The following FAS variants were observed in gnomAD, a reference collection of about 807,000 sequenced individuals.
FAS encodes the protein Fas cell surface death receptor.
A neutral mutation model predicts 33.2 loss-of-function variants in FAS; 5 were observed. The ratio of observed to expected loss-of-function variants is 0.15; its 90% CI spans 0.08 to 0.32. The LOEUF (loss-of-function observed/expected upper bound fraction) is 0.32, where lower values mean the gene tolerates loss of function less well. Ranked by LOEUF, FAS falls within the 10% of genes least tolerant of loss-of-function variation. The probability of loss-of-function intolerance (pLI) is 1.00; values close to 1 mark genes in which losing one functional copy is unlikely to be tolerated. For synonymous variants in FAS, 131 were observed against 130.7 expected (o/e 1.00, Z -0.01); for missense variants, 339 against 386.0 (o/e 0.88, Z 1.02).
At chr10:88,984,678 T>TTCATGAAACCCA (rs1271470317), upstream of FAS, among the ~76,000 whole-genome samples, 283 of 152,356 alleles carry the variant, frequency 1.9e-3, 1 homozygote, top group Admixed American at 3.8e-3. Context: ...TGACTTCTTA[T>TTCATGAAACCCA]GTTTAGTTAT....
At chr10:89,008,661 C>T (rs909600848) in intron 3 of FAS, among the ~76,000 whole-genome samples, 9 of 152,274 alleles carry the variant, frequency 5.9e-5, no homozygotes, top group African/African-American at 1.4e-4. Context: ...ACAGGGGAGA[C>T]GTCTAAGTAT....
intron 1 of FAS, among the ~76,000 whole-genome samples, chr10:89,000,664 C>T (rs1183561809): frequency 6.6e-6 from 1 of 152,224 alleles, no homozygotes; most frequent in East Asian, 1.9e-4. Flanking sequence ...CACCGTTATA[C>T]CCCCTCATCA....
At chr10:88,979,498 A>G (rs1047147821) in intron 2 of FAS, among the ~76,000 whole-genome samples, 4 of 152,216 alleles carry the variant, frequency 2.6e-5, no homozygotes. Context: ...GATTTTAAAC[A>G]GTAATAAGTG....
chr10:88,987,690 A>G (rs7914490), upstream of FAS, among the ~76,000 whole-genome samples: 83,340 of 151,964 alleles, frequency 0.55, 24,339 homozygotes, highest in African/African-American at 0.77. Context: ...GCCAAGTCAC[A>G]TTTCCCACCC....
At chr10:89,007,612 G>C in intron 2 of FAS, 88 bp from the exon 3 acceptor site, 2 of 1,526,982 alleles carry the variant, frequency 1.3e-6, no homozygotes, top group Admixed American at 1.9e-5. Flanking sequence ...TTTTAGAAGA[G>C]TTTTATTGTC....
intron 1 of FAS, 160 bp downstream of exon 1, chr10:88,991,066 C>T (rs185376752): frequency 1.1e-6 from 1 of 909,562 alleles, no homozygotes; most frequent in Admixed American, 2.1e-5. Flanking sequence ...GACTGGCTCC[C>T]GGGGGCTGTT....
chr10:88,975,334 A>T (rs1846536881), intron 2 of FAS, among the ~76,000 whole-genome samples: 1 of 152,220 alleles, frequency 6.6e-6, no homozygotes, highest in South Asian at 2.1e-4. Flanking sequence ...CATTTGAATG[A>T]GGTATTAGCT....
At chr10:88,965,824 C>T (rs1266449178) in intron 1 of FAS, among the ~76,000 whole-genome samples, 1 of 152,154 alleles carries the variant, frequency 6.6e-6, no homozygotes, top group Non-Finnish European at 1.5e-5. Flanking sequence ...GGCTGATTTG[C>T]TTTTAACTAA....
intron 2 of FAS, among the ~76,000 whole-genome samples, chr10:89,006,872 G>A (rs1848257057): frequency 9.2e-6 from 1 of 108,826 alleles, no homozygotes; most frequent in African/African-American, 3.6e-5. Context: ...TAGCAATACA[G>A]TGACAAACTT....
At position 89,005,919 on chromosome 10, in the gene FAS, A is replaced by G. The variant is rs1402987592; in HGVS notation, c.197-1781A>G. ...CTCCCAATCTGCTGGGATTACAGACATGACCCACTGTGCCCGGCCTGATAC... is the reference window on the plus strand; with the variant it reads ...CTCCCAATCTGCTGGGATTACAGACGTGACCCACTGTGCCCGGCCTGATAC... On this transcript the variant is annotated intron_variant, in intron 2 of 8. Transcript: ENST00000652046. Among the ~76,000 whole-genome samples the G allele has an allele frequency of 2.0e-5, 3 of 152,156 alleles. No individual in the cohort carries two copies. In the East Asian group the frequency reaches 5.8e-4, roughly 29 times the overall value.
chr10:88,970,913 T>G (rs928169201), intron 1 of FAS, among the ~76,000 whole-genome samples: 1 of 151,804 alleles, frequency 6.6e-6, no homozygotes, highest in Non-Finnish European at 1.5e-5. Flanking sequence ...ATATAAAGAA[T>G]TCCCCACTTA....
intron 1 of FAS, among the ~76,000 whole-genome samples, chr10:88,991,938 A>G (rs1353056664): frequency 6.6e-6 from 1 of 152,198 alleles, no homozygotes; most frequent in African/African-American, 2.4e-5. Context: ...TTGGGCCCCA[A>G]CAAAGTGCCA....
Position 89,014,588 on chromosome 10 carries a change from G to C in FAS, c.*138G>C. 1.2e-6 allele frequency: 1 copy of C among 868,446 alleles called. No homozygotes were observed. The highest frequency in any genetic ancestry group is 1.4e-5 in the South Asian group (1 of 70,052). 53.8% of individuals were successfully genotyped at this position (868,446 alleles called of 1,614,324 possible). The stretch of plus-strand genomic sequence containing the variant: ...TTAGCGCTGAAGAGCCAACATATTT[G>C]TAGATTTTTAATATCTCATGATTCT... On this transcript the variant is annotated 3_prime_UTR_variant, in exon 9 of 9. Coordinates refer to ENST00000652046, the MANE Select transcript of FAS (RefSeq NM_000043.6).
In FAS at chr10:88,997,296, C is replaced by T. The variant is rs1199004312; in HGVS notation, c.31-5733C>T. On this transcript the variant is annotated intron_variant, in intron 1 of 8. Coordinates refer to ENST00000652046, the MANE Select transcript of FAS (RefSeq NM_000043.6). ...ATCACTACAGGATTCTGATGTCTGT[C>T]GGGGTCTTGAGAACTATTTTTCTGA... 2.6e-5 allele frequency among the ~76,000 whole-genome samples: 4 copies of T among 152,058 alleles called. No homozygotes were observed. In the South Asian group the frequency reaches 6.2e-4, roughly 24 times the overall value.
intron 1 of FAS, among the ~76,000 whole-genome samples, chr10:88,995,726 C>T (rs547637684): frequency 3.5e-4 from 53 of 152,068 alleles, no homozygotes; most frequent in African/African-American, 1.2e-3. Flanking sequence ...CTCGGGAGGT[C>T]GCGGCAGGAG....
chr10:88,970,631 C>T (rs1031578592), intron 1 of FAS, among the ~76,000 whole-genome samples: 7 of 152,072 alleles, frequency 4.6e-5, no homozygotes, highest in African/African-American at 1.7e-4. Context: ...TTTATCCTTA[C>T]AATAGTTTGC....
At chr10:89,000,637 TGTTGAATTTTCTGGACCACC>T (rs1451786033) in intron 1 of FAS, among the ~76,000 whole-genome samples, 1 of 152,224 alleles carries the variant, frequency 6.6e-6, no homozygotes, top group Non-Finnish European at 1.5e-5. Context: ...AACCTTCTAC[TGTTGAATTTTCTGGACCACC>T]GTTATACCCC....
intron 2 of FAS, among the ~76,000 whole-genome samples, chr10:88,980,996 G>T (rs1255153351): frequency 6.6e-6 from 1 of 152,170 alleles, no homozygotes; most frequent in Non-Finnish European, 1.5e-5. Flanking sequence ...GTGGGATTTG[G>T]ACTATGGAGG....
chr10:88,992,999 T>G (rs955433716), intron 1 of FAS, among the ~76,000 whole-genome samples: 3 of 152,226 alleles, frequency 2.0e-5, no homozygotes, highest in African/African-American at 7.2e-5. Context: ...TTTAATTCTA[T>G]TAATGGGCTG....
Sources: allele counts gnomAD v4.1 joint callset (sites outside exome capture counted in the v4.1 genomes callset), GRCh38; gene constraint gnomAD v4.1.1; transcripts MANE v1.5; gene names NCBI Gene and HGNC (gene_info 2026-07-23, HGNC 2026-07-21).